The following PTPRM variants were observed in gnomAD, a reference collection of about 807,000 sequenced individuals.
The protein encoded by PTPRM is protein tyrosine phosphatase receptor type M, also known as receptor-type tyrosine-protein phosphatase mu.
PTPRM carries 47 observed loss-of-function variants against 186.7 expected under a neutral mutation model. The ratio of observed to expected loss-of-function variants is 0.25; its 90% CI spans 0.20 to 0.32. The LOEUF (loss-of-function observed/expected upper bound fraction) is 0.32, where lower values mean the gene tolerates loss of function less well. PTPRM is among the 10% of genes least tolerant of loss of function. The probability of loss-of-function intolerance (pLI) is 1.00; values close to 1 mark genes in which losing one functional copy is unlikely to be tolerated. For synonymous variants in PTPRM, 668 were observed against 674.9 expected, an observed-to-expected ratio of 0.99 and a Z score of 0.16; for missense variants, 1,494 against 1,865.0, an observed-to-expected ratio of 0.80 and a Z score of 3.66.
intron 2 of PTPRM, among the ~76,000 whole-genome samples, chr18:7,856,463 C>T (rs935658543): frequency 3.9e-5 from 6 of 152,062 alleles, no homozygotes; most frequent in Non-Finnish European, 5.9e-5. Context: ...GACAGCAGGC[C>T]GGGTGCCATG....
chr18:8,181,425 G>A (rs555463405), intron 14 of PTPRM, among the ~76,000 whole-genome samples: 3 of 152,256 alleles, frequency 2.0e-5, no homozygotes, highest in South Asian at 2.1e-4. Context: ...AGAGGGCGGC[G>A]ACCTCTGCGG....
chr18:7,808,524 G>A (rs1254308170), intron 2 of PTPRM, among the ~76,000 whole-genome samples: 1 of 152,200 alleles, frequency 6.6e-6, no homozygotes, highest in East Asian at 1.9e-4. Flanking sequence ...CTGCCTTTGT[G>A]AGGATTAAAG....
chr18:7,633,059 G>C (rs1049482795), intron 1 of PTPRM, among the ~76,000 whole-genome samples: 1 of 152,144 alleles, frequency 6.6e-6, no homozygotes, highest in Non-Finnish European at 1.5e-5. Flanking sequence ...AAAAACGGTA[G>C]AGCAACAATT....
intron 19 of PTPRM, among the ~76,000 whole-genome samples, chr18:8,289,608 A>G (rs2095017841): frequency 7.9e-6 from 1 of 126,580 alleles, no homozygotes; most frequent in Non-Finnish European, 1.6e-5. Flanking sequence ...ATATACACAC[A>G]TATATATATA....
intron 3 of PTPRM, among the ~76,000 whole-genome samples, chr18:7,889,246 G>A (rs1011170583): frequency 8.6e-4 from 131 of 151,610 alleles, no homozygotes; most frequent in African/African-American, 3.0e-3. Flanking sequence ...TGCCTGGCAT[G>A]TATTGTTTTA....
chr18:8,044,756 C>CAA (rs67620203), intron 7 of PTPRM, among the ~76,000 whole-genome samples: 1,808 of 104,246 alleles, frequency 0.017, 40 homozygotes, highest in African/African-American at 0.046. Context: ...GACTCTGTCT[C>CAA]AAAAAAAAAA....
chr18:8,136,499 G>T (rs2092642133), intron 13 of PTPRM, among the ~76,000 whole-genome samples: 1 of 151,990 alleles, frequency 6.6e-6, no homozygotes. Flanking sequence ...TTTTAGAGAA[G>T]ATATATATCA....
At chr18:8,184,429 G>C (rs1167553114) in intron 14 of PTPRM, among the ~76,000 whole-genome samples, 1 of 152,156 alleles carries the variant, frequency 6.6e-6, no homozygotes, top group Non-Finnish European at 1.5e-5. Context: ...GAGAGTCTTG[G>C]ATACCCTGTC....
chr18:7,816,916 A>T (rs1484358782), intron 2 of PTPRM, among the ~76,000 whole-genome samples: 2 of 151,968 alleles, frequency 1.3e-5, no homozygotes, highest in South Asian at 4.2e-4. Flanking sequence ...CTGAAATTTC[A>T]TTTGAAATGC....
At chr18:8,352,652 G>GTTTTTTTTTT (rs142090056) in intron 23 of PTPRM, among the ~76,000 whole-genome samples, 3 of 102,248 alleles carry the variant, frequency 2.9e-5, no homozygotes, top group Non-Finnish European at 6.5e-5. Flanking sequence ...TTTTTGGTTT[G>GTTTTTTTTTT]GTTTTTTTTG....
intron 2 of PTPRM, among the ~76,000 whole-genome samples, chr18:7,806,350 C>G (rs1056431090): frequency 2.6e-5 from 4 of 152,086 alleles, no homozygotes; most frequent in Admixed American, 1.3e-4. Context: ...ACAAATATTG[C>G]AAGCATATTA....
At chr18:8,334,879 C>G (rs1290590621) in intron 22 of PTPRM, among the ~76,000 whole-genome samples, 1 of 152,108 alleles carries the variant, frequency 6.6e-6, no homozygotes, top group Non-Finnish European at 1.5e-5. Context: ...GCCCACCGTA[C>G]CTTGCTCCTC....
intron 13 of PTPRM, among the ~76,000 whole-genome samples, chr18:8,116,840 TA>T (rs2091975757): frequency 6.6e-6 from 1 of 152,180 alleles, no homozygotes; most frequent in African/African-American, 2.4e-5. Flanking sequence ...CCTGATTGAC[TA>T]AATATTCCCC....
intron 7 of PTPRM, among the ~76,000 whole-genome samples, chr18:7,986,913 A>G (rs1224152288): frequency 6.6e-6 from 1 of 152,196 alleles, no homozygotes; most frequent in East Asian, 1.9e-4. Flanking sequence ...CAGGCATTGT[A>G]CAGAGAGAAG....
chr18:8,098,433 G>A (rs1428844475), intron 11 of PTPRM, among the ~76,000 whole-genome samples: 1 of 152,048 alleles, frequency 6.6e-6, no homozygotes, highest in Non-Finnish European at 1.5e-5. Context: ...ATTATCACCT[G>A]AAACATTTAT....
intron 23 of PTPRM, among the ~76,000 whole-genome samples, chr18:8,345,553 T>C (rs567046466): frequency 6.6e-6 from 1 of 152,128 alleles, no homozygotes; most frequent in South Asian, 2.1e-4. Flanking sequence ...ACTCGAATTC[T>C]GGTTAAAAAT....
intron 32 of PTPRM, chr18:8,403,420 A>G (rs1014564959): frequency 2.0e-5 from 3 of 152,212 alleles, no homozygotes; most frequent in African/African-American, 4.8e-5. Context: ...CCTGTTGGGT[A>G]TAACATTCGA....
At chr18:7,840,242 T>A (rs1377816780) in intron 2 of PTPRM, among the ~76,000 whole-genome samples, 1 of 152,138 alleles carries the variant, frequency 6.6e-6, no homozygotes, top group Non-Finnish European at 1.5e-5. Flanking sequence ...GCTTTTTTAG[T>A]GTAGATAGGT....
At chr18:7,661,211 GTCTT>G (rs1466363796) in intron 1 of PTPRM, among the ~76,000 whole-genome samples, 1 of 152,110 alleles carries the variant, frequency 6.6e-6, no homozygotes, top group East Asian at 1.9e-4. Flanking sequence ...ATCTTTATTG[GTCTT>G]TCTAACACTC....
Sources: gnomAD v4.1 joint callset for allele counts (sites outside exome capture counted in the v4.1 genomes callset) on GRCh38, gnomAD v4.1.1 for gene constraint, MANE v1.5 for transcripts, NCBI Gene and HGNC (gene_info 2026-07-23, HGNC 2026-07-21) for gene names.